Variants in LTN1 observed in about 807,000 individuals in gnomAD.
LTN1 encodes the protein listerin E3 ubiquitin protein ligase 1.
In LTN1, 88 loss-of-function variants were observed where a neutral mutation model predicts 201.2. The ratio of observed to expected loss-of-function variants is 0.44; its 90% CI spans 0.37 to 0.52. LTN1 has a LOEUF of 0.52. Among genes scored for constraint, LTN1 ranks in the 20% least tolerant of loss-of-function variants. The probability of loss-of-function intolerance (pLI) is 0.00; values close to 1 mark genes in which losing one functional copy is unlikely to be tolerated. For missense variants in LTN1, 1,752 were observed against 2,038.7 expected (o/e 0.86, Z 2.71); for synonymous variants, 645 against 713.5 (o/e 0.90, Z 1.53).
At chr21:28,985,690 T>C (rs1214597718) in intron 3 of LTN1, among the ~76,000 whole-genome samples, 2 of 151,346 alleles carry the variant, frequency 1.3e-5, no homozygotes, top group Non-Finnish European at 2.9e-5. Flanking sequence ...GACATTGTCT[T>C]GTTCTATTGT....
At chr21:28,930,994 T>C (rs1401265259) in intron 29 of LTN1, among the ~76,000 whole-genome samples, 161 bp downstream of exon 29, 1 of 152,146 alleles carries the variant, frequency 6.6e-6, no homozygotes, top group East Asian at 1.9e-4. Context: ...AAAAATCACT[T>C]TTTAATATAT....
At chr21:28,972,771 T>G (rs1362412796) in intron 6 of LTN1, among the ~76,000 whole-genome samples, 1 of 152,014 alleles carries the variant, frequency 6.6e-6, no homozygotes, top group African/African-American at 2.4e-5. Context: ...AGCTGAGAAT[T>G]TTACAGAGCC....
chr21:28,959,303 A>G (rs542712412), intron 13 of LTN1, 155 bp downstream of exon 13: 24 of 807,684 alleles, frequency 3.0e-5, no homozygotes, highest in Non-Finnish European at 4.1e-5. Flanking sequence ...CTTGCTTTCT[A>G]GAGCTGAAAG....
At chr21:28,931,398 T>A in intron 28 of LTN1, 76 bp from the exon 29 acceptor site, 1 of 796,312 alleles carries the variant, frequency 1.3e-6, no homozygotes. Flanking sequence ...TCACAAATTT[T>A]AAAGTTGAAT....
chr21:28,982,509 C>T (rs912334952), intron 4 of LTN1, 141 bp from the exon 5 acceptor site: 1 of 644,302 alleles, frequency 1.6e-6, no homozygotes, highest in East Asian at 2.8e-5. Context: ...AATAGCAAAA[C>T]TGAAAGGTTT....
At position 28,982,458 on chromosome 21, in the gene LTN1, A is replaced by T. The variant is rs1293449101; in HGVS notation, c.577-90T>A. On this transcript the variant is annotated intron_variant, in intron 4 of 29. Transcript: ENST00000361371. ...CCTAGTTAAATAAAATCCACTTTTTAAAAATCCCCATAAACATCATCTTAC... is the reference window on the plus strand; with the variant it reads ...CCTAGTTAAATAAAATCCACTTTTTTAAAATCCCCATAAACATCATCTTAC... The T allele has an allele frequency of 3.9e-5, 37 of 940,320 alleles. No homozygotes were observed. The East Asian group carries it at 9.0e-4, about 23-fold the overall frequency. 58.2% of individuals were successfully genotyped at this position (940,320 alleles called of 1,614,324 possible).
At chr21:28,951,111 TG>T (rs11298146) in intron 18 of LTN1, among the ~76,000 whole-genome samples, 46,367 of 152,018 alleles carry the variant, frequency 0.31, 7,209 homozygotes, top group Middle Eastern at 0.34. Context: ...TGTAATACTA[TG>T]CTAAAGTTAT....
At chr21:28,947,393 A>C in intron 19 of LTN1, 71 bp downstream of exon 19, 1 of 1,251,704 alleles carries the variant, frequency 8.0e-7, no homozygotes, top group Non-Finnish European at 1.1e-6. Flanking sequence ...ATGTGGTCTT[A>C]TATATTAGAA....
At chr21:28,989,821 C>G (rs1200483990) in intron 1 of LTN1, among the ~76,000 whole-genome samples, 1 of 152,044 alleles carries the variant, frequency 6.6e-6, no homozygotes, top group Non-Finnish European at 1.5e-5. Context: ...TTGAGACCAG[C>G]CTAGCCAACA....
rs1304942007 is a variant in LTN1, at chr21:28,970,669, C to T, written c.1058G>A (p.Arg353Gln). ...AGGATATATGACAGTAGCTAGACCCCGACCACCTTCACGAATCACAGTTGA... is the reference window on the plus strand; with the variant it reads ...AGGATATATGACAGTAGCTAGACCCTGACCACCTTCACGAATCACAGTTGA... ...KLSTVIREGG[R>Q]GLATVIYPYL... is the part of the protein sequence containing the mutation. The change falls in exon 8 of 30, where the codon CGG becomes CAG. Residue 353 changes from arginine (R) to glutamine (Q), a missense_variant. Physicochemically the swap from Arg to Gln is conservative, Grantham distance 43. Around this residue, in one of 3 missense-constraint regions of LTN1, gnomAD observed 1,211 missense variants for 1,312.8 expected, o/e 0.92. Coordinates refer to ENST00000361371, the MANE Select transcript of LTN1 (RefSeq NM_015565.3). 4.3e-6 allele frequency: 7 copies of T among 1,613,890 alleles called. No individual in the cohort carries two copies. Among genetic ancestry groups the T allele is most frequent in the Admixed American group, 1.7e-5 (1 of 60,004 alleles).
chr21:28,935,461 T>C (rs548907697), intron 26 of LTN1, 132 bp from the exon 27 acceptor site: 3 of 624,750 alleles, frequency 4.8e-6, no homozygotes, highest in Non-Finnish European at 8.4e-6. Flanking sequence ...AAAACAAACA[T>C]ACCAGAGAAA....
intron 15 of LTN1, 150 bp downstream of exon 15, chr21:28,957,182 C>T (rs2084432494): frequency 1.3e-6 from 1 of 795,212 alleles, no homozygotes; most frequent in African/African-American, 1.8e-5. Flanking sequence ...TTGCAAAAAG[C>T]AAACATCCAG....
At chr21:28,974,707 G>T (rs1030769664) in intron 6 of LTN1, among the ~76,000 whole-genome samples, 1 of 152,124 alleles carries the variant, frequency 6.6e-6, no homozygotes, top group Admixed American at 6.5e-5. Flanking sequence ...AAAGGAGAGG[G>T]CCACAGAAAG....
chr21:28,932,537 C>G lies in LTN1; in HGVS notation c.5003G>C (p.Arg1668Thr), dbSNP rs1460704302. 6.2e-7 allele frequency: 1 copy of G among 1,614,122 alleles called. No individual in the cohort carries two copies. Among genetic ancestry groups the G allele is most frequent in the East Asian group, 2.2e-5 (1 of 44,872 alleles). ...CCACTGCTGAACAGCTACTCCTACT[C>G]TTTTCCCACTTTCTACTATTATTGA... Reference protein sequence around the residue: ...LGSIIVESGKRVGVAVQQWRN... With the variant: ...LGSIIVESGKTVGVAVQQWRN... Residue 1668 changes from arginine (R) to threonine (T), a missense_variant, in exon 28 of 30, where the codon AGA (arginine) becomes ACA (threonine). Arg to Thr is a moderately conservative substitution (Grantham distance 71). Coordinates refer to ENST00000361371, the MANE Select transcript of LTN1 (RefSeq NM_015565.3).
rs1045741421 is a variant in LTN1 at position 28,971,311 on chromosome 21, G to A, written c.944C>T (p.Ala315Val). 6.2e-7 allele frequency: 1 copy of A among 1,613,914 alleles called. No individual in the cohort carries two copies. Among genetic ancestry groups the A allele is most frequent in the African/African-American group, 1.3e-5 (1 of 74,904 alleles). The change falls in exon 7 of 30, where the codon GCT (alanine) becomes GTT (valine). Residue 315 changes from alanine to valine, a missense_variant. This residue lies in a region of LTN1 where 280 missense variants were observed against 375.7 expected (regional missense o/e 0.75). Transcript: ENST00000361371. ...TGTATAGAGTACAGCTTCCCAGAGA[G>A]CTGGGCAGACAATTGGGTCACTGTC... The part of the protein sequence containing the change: ...IDDSDPIVCP[A>V]LWEAVLYTLT...
chr21:28,940,137 T>C (rs2084285881), intron 25 of LTN1, among the ~76,000 whole-genome samples: 1 of 152,228 alleles, frequency 6.6e-6, no homozygotes, highest in Non-Finnish European at 1.5e-5. Flanking sequence ...AGAAGGCACA[T>C]ATTTTATTAG....
At chr21:28,988,466 C>CA (rs34339110) in intron 1 of LTN1, among the ~76,000 whole-genome samples, 20,308 of 121,838 alleles carry the variant, frequency 0.17, 1,670 homozygotes, top group African/African-American at 0.26. Flanking sequence ...GGCTCTGTCT[C>CA]AAAAAAAAAA....
At chr21:28,963,656 C>T (rs1431285287) in intron 11 of LTN1, among the ~76,000 whole-genome samples, 1 of 152,206 alleles carries the variant, frequency 6.6e-6, no homozygotes, top group African/African-American at 2.4e-5. Context: ...GTAATTTTAA[C>T]TTTCAAATCT....
chr21:28,969,375 G>T, intron 9 of LTN1, 91 bp downstream of exon 9: 1 of 1,071,206 alleles, frequency 9.3e-7, no homozygotes, highest in Non-Finnish European at 1.3e-6. Flanking sequence ...TACAAGGAAG[G>T]CTTATTACTG....
Sources: allele counts gnomAD v4.1 joint callset (sites outside exome capture counted in the v4.1 genomes callset), GRCh38; gene constraint gnomAD v4.1.1; regional missense constraint gnomAD v4.1.1; transcripts MANE v1.5; gene names NCBI Gene and HGNC (gene_info 2026-07-23, HGNC 2026-07-21).